The following KCND2 variants were observed in gnomAD, a reference collection of about 807,000 sequenced individuals.
KCND2 encodes potassium voltage-gated channel subfamily D member 2.
Under a neutral mutation model 54.4 loss-of-function variants are expected in KCND2, and 16 were observed. The observed-to-expected ratio is 0.29, with a 90% CI of 0.20 to 0.45. KCND2 has a LOEUF of 0.45. Ranked by LOEUF, KCND2 falls within the 20% of genes least tolerant of loss-of-function variation. The pLI, the probability that KCND2 is intolerant of heterozygous loss-of-function variation, is 1.00. For missense variants in KCND2, 486 were observed against 824.2 expected, an observed-to-expected ratio of 0.59 and a Z score of 5.02; for synonymous variants, 317 against 310.7, an observed-to-expected ratio of 1.02 and a Z score of -0.21.
chr7:120,615,339 T>G (rs910638596), intron 1 of KCND2, among the ~76,000 whole-genome samples: 3 of 152,184 alleles, frequency 2.0e-5, no homozygotes, highest in Non-Finnish European at 4.4e-5. Context: ...GACAAATACT[T>G]TGTAAATTCT....
intron 1 of KCND2, among the ~76,000 whole-genome samples, chr7:120,554,089 C>G (rs1359396371): frequency 6.6e-6 from 1 of 152,154 alleles, no homozygotes; most frequent in Non-Finnish European, 1.5e-5. Flanking sequence ...ACCTATTTTC[C>G]TGCTGACCTG....
chr7:120,665,772 G>A (rs189427664), intron 1 of KCND2, among the ~76,000 whole-genome samples: 185 of 152,080 alleles, frequency 1.2e-3, no homozygotes, highest in African/African-American at 4.1e-3. Context: ...GATCAAAGTA[G>A]ATTGGATCTT....
At chr7:120,566,469 C>A (rs953820309) in intron 1 of KCND2, among the ~76,000 whole-genome samples, 3 of 152,002 alleles carry the variant, frequency 2.0e-5, no homozygotes, top group Admixed American at 1.3e-4. Context: ...AAGCCTCCCA[C>A]GTACCTGGGG....
chr7:120,482,368 A>G (rs542280388), intron 1 of KCND2, among the ~76,000 whole-genome samples: 1 of 152,168 alleles, frequency 6.6e-6, no homozygotes, highest in Non-Finnish European at 1.5e-5. Flanking sequence ...TAGATTTTGG[A>G]CTTTTGAACT....
intron 1 of KCND2, among the ~76,000 whole-genome samples, chr7:120,516,047 T>C (rs1020427866): frequency 6.6e-6 from 1 of 152,108 alleles, no homozygotes; most frequent in Non-Finnish European, 1.5e-5. Flanking sequence ...TTATCTCCCA[T>C]CAGTCTCTAA....
intron 1 of KCND2, among the ~76,000 whole-genome samples, chr7:120,594,972 A>G (rs909724185): frequency 6.6e-5 from 10 of 151,642 alleles, no homozygotes; most frequent in Non-Finnish European, 1.3e-4. Context: ...GTGAGCCGAG[A>G]TCGCGCCACT....
intron 1 of KCND2, among the ~76,000 whole-genome samples, chr7:120,557,160 C>T (rs1792175977): frequency 6.6e-6 from 1 of 152,086 alleles, no homozygotes; most frequent in Non-Finnish European, 1.5e-5. Context: ...TTAATTGATA[C>T]ATAACAGATG....
intron 1 of KCND2, among the ~76,000 whole-genome samples, chr7:120,561,598 A>ATTTTTTT (rs57015988): frequency 4.2e-5 from 2 of 47,336 alleles, no homozygotes; most frequent in Non-Finnish European, 3.9e-5. Context: ...AAGCTACCTG[A>ATTTTTTT]TTTTTTTTTT....
intron 4 of KCND2, among the ~76,000 whole-genome samples, chr7:120,745,532 G>T (rs1411491077): frequency 6.6e-6 from 1 of 151,440 alleles, no homozygotes. Context: ...TCAAGATAAA[G>T]TTAGTCTATA....
In KCND2 at chr7:120,329,764, G is replaced by A. The variant is rs1412913333; in HGVS notation, c.1115+54017G>A. Among the ~76,000 whole-genome samples the A allele has an allele frequency of 5.9e-5, 9 of 152,228 alleles. No homozygotes were observed. In the East Asian group the frequency reaches 1.7e-3, roughly 29 times the overall value. ...GATATTTTAGGTACCAAATAGTTGAGTTAGTCTAGGCAGTGAAGGAAGTAC... is the reference window on the plus strand; with the variant it reads ...GATATTTTAGGTACCAAATAGTTGAATTAGTCTAGGCAGTGAAGGAAGTAC... On this transcript the variant is annotated intron_variant, in intron 1 of 5. Coordinates refer to ENST00000331113, the MANE Select transcript of KCND2 (RefSeq NM_012281.3).
At chr7:120,701,040 C>T (rs551814787) in intron 1 of KCND2, among the ~76,000 whole-genome samples, 45 of 151,970 alleles carry the variant, frequency 3.0e-4, no homozygotes, top group African/African-American at 9.4e-4. Context: ...AAGTAGGATG[C>T]GGGAGTTCCA....
chr7:120,621,645 AT>A (rs978961293), intron 1 of KCND2, among the ~76,000 whole-genome samples: 1 of 152,208 alleles, frequency 6.6e-6, no homozygotes, highest in Admixed American at 6.5e-5. Context: ...TAAATATCTG[AT>A]TTTTTAAATA....
At chr7:120,337,453 T>C (rs967897641) in intron 1 of KCND2, among the ~76,000 whole-genome samples, 72 of 152,266 alleles carry the variant, frequency 4.7e-4, no homozygotes, top group Non-Finnish European at 8.7e-4. Context: ...TGGAGCAGTG[T>C]GGAATATTAG....
At chr7:120,337,881 T>C (rs1270062747) in intron 1 of KCND2, among the ~76,000 whole-genome samples, 1 of 152,182 alleles carries the variant, frequency 6.6e-6, no homozygotes, top group Non-Finnish European at 1.5e-5. Flanking sequence ...TTTTGAAGTT[T>C]TAAAAGTTTT....
At chr7:120,325,449 G>A (rs1379266347) in intron 1 of KCND2, among the ~76,000 whole-genome samples, 13 of 151,242 alleles carry the variant, frequency 8.6e-5, no homozygotes, top group African/African-American at 2.2e-4. Context: ...GTCATAGATA[G>A]CTCTTATTAT....
chr7:120,361,860 A>G (rs1800596799), intron 1 of KCND2, among the ~76,000 whole-genome samples: 1 of 152,106 alleles, frequency 6.6e-6, no homozygotes, highest in Non-Finnish European at 1.5e-5. Context: ...TAATTACCAT[A>G]AAGAAGTCCA....
intron 1 of KCND2, among the ~76,000 whole-genome samples, chr7:120,598,075 A>C (rs1006951823): frequency 1.3e-5 from 2 of 151,932 alleles, no homozygotes; most frequent in Non-Finnish European, 2.9e-5. Flanking sequence ...AACCCAAAAA[A>C]ACTAAAAAAA....
chr7:120,303,886 G>A (rs1799616916), intron 1 of KCND2, among the ~76,000 whole-genome samples: 1 of 152,200 alleles, frequency 6.6e-6, no homozygotes, highest in African/African-American at 2.4e-5. Flanking sequence ...TCTTCTGGCT[G>A]TGGGGAGTGT....
intron 1 of KCND2, among the ~76,000 whole-genome samples, chr7:120,704,698 T>C (rs866852621): frequency 3.7e-4 from 56 of 152,174 alleles, no homozygotes; most frequent in African/African-American, 1.3e-3. Context: ...TTCAACAAAA[T>C]TGGTAAAATA....
Sources: allele counts gnomAD v4.1 joint callset (sites outside exome capture counted in the v4.1 genomes callset), GRCh38; gene constraint gnomAD v4.1.1; transcripts MANE v1.5; gene names NCBI Gene and HGNC (gene_info 2026-07-23, HGNC 2026-07-21).